Variants in SNX27 observed in about 807,000 individuals in gnomAD.
SNX27 encodes sorting nexin 27.
A neutral mutation model predicts 71.6 loss-of-function variants in SNX27; 22 were observed. That is an observed-to-expected ratio of 0.31 (90% CI 0.22 to 0.44). The LOEUF is 0.44. Among genes scored for constraint, SNX27 ranks in the 20% least tolerant of loss-of-function variants. SNX27 has a pLI of 1.00. For synonymous variants in SNX27, 269 were observed against 277.2 expected, an observed-to-expected ratio of 0.97 and a Z score of 0.29; for missense variants, 531 against 698.6, an observed-to-expected ratio of 0.76 and a Z score of 2.70.
At chr1:151,659,916 C>G (rs1429347755) in intron 3 of SNX27, 3 of 152,194 alleles carry the variant, frequency 2.0e-5, no homozygotes, top group Non-Finnish European at 2.9e-5. Flanking sequence ...TGTAGTCATT[C>G]TGTTTCCTTG....
intron 7 of SNX27, among the ~76,000 whole-genome samples, chr1:151,672,286 T>C (rs563832404): frequency 1.2e-3 from 180 of 152,370 alleles, no homozygotes; most frequent in Non-Finnish European, 2.1e-3. Context: ...TCTGTTGATA[T>C]GCTGTGTCAC....
At position 151,625,950 on chromosome 1, in the gene SNX27, C is replaced by CA. The variant is rs879688727; in HGVS notation, c.312-12928dup. 9.7e-3 allele frequency among the ~76,000 whole-genome samples: 1,393 copies of CA among 143,902 alleles called. 11 individuals carry two copies. The highest frequency in any genetic ancestry group is 0.014 in the Non-Finnish European group (902 of 65,400). The allele number at this position is 143,902 out of a possible 152,430, so 94.4% of individuals were successfully genotyped here. ...GGGCAACAGAGTGAGACTGTGTCAC[C>CA]AAAAAAAAAATAAAATAAAAATAAA... On this transcript the variant is annotated intron_variant, in intron 1 of 11. Transcript: ENST00000458013.
Position 151,650,177 on chromosome 1 carries a change from C to T in SNX27, c.544-8058C>T, listed in dbSNP as rs1000679056. On this transcript the variant is annotated intron_variant, in intron 2 of 11. Coordinates refer to ENST00000458013, the MANE Select transcript of SNX27 (RefSeq NM_001330723.2). Reference sequence around the variant, plus strand: ...TGTTGGGATTACAGGTGTCGGCCACCGCACCTGGCCACCTAATTTTAAAAA... The same window carrying T: ...TGTTGGGATTACAGGTGTCGGCCACTGCACCTGGCCACCTAATTTTAAAAA... Among the ~76,000 whole-genome samples, 4 of 152,180 alleles carry T rather than the reference C, an allele frequency of 2.6e-5. 1 individual carries two copies. The highest frequency in any genetic ancestry group is 3.9e-4 in the East Asian group (2 of 5,180).
chr1:151,697,565 A>G lies in SNX27; in HGVS notation c.*3148A>G. 1 of 152,888 alleles carries G rather than the reference A, an allele frequency of 6.5e-6. No individual in the cohort carries two copies. Among genetic ancestry groups the G allele is most frequent in the Non-Finnish European group, 1.5e-5 (1 of 68,086 alleles). 9.5% of individuals were successfully genotyped at this position (152,888 alleles called of 1,614,324 possible). ...GAGGTGGGGAAGGAGGGCACCCCAA[A>G]GGACAGCGCCTTCTTCTCTTCCACC... On this transcript the variant is annotated 3_prime_UTR_variant, in exon 12 of 12. Transcript: ENST00000458013.
rs140696681 is a variant in SNX27, at chr1:151,649,571, A to G, written c.544-8664A>G. On this transcript the variant is annotated intron_variant, in intron 2 of 11. Coordinates refer to ENST00000458013, the MANE Select transcript of SNX27 (RefSeq NM_001330723.2). The stretch of plus-strand genomic sequence containing the variant: ...CCACTCCAACCTGGGAGACAGAGCT[A>G]AACCCTGTCTCAATTTAAAACAAAA... 1.6e-3 allele frequency among the ~76,000 whole-genome samples: 240 copies of G among 152,348 alleles called. 4 individuals are homozygous for G. The highest frequency in any genetic ancestry group is 5.5e-3 in the African/African-American group (228 of 41,594).
chr1:151,674,494 A>G (rs895282922), intron 7 of SNX27, among the ~76,000 whole-genome samples: 1 of 152,050 alleles, frequency 6.6e-6, no homozygotes, highest in Non-Finnish European at 1.5e-5. Flanking sequence ...ATCTTTTTCC[A>G]TGTTTTCAAA....
chr1:151,615,940 T>G (rs749695247), intron 1 of SNX27: 3 of 447,868 alleles, frequency 6.7e-6, no homozygotes, highest in Non-Finnish European at 8.9e-6. Flanking sequence ...GAAACTAAAT[T>G]GGAGCCCATA....
At chr1:151,623,338 C>A (rs566234336) in intron 1 of SNX27, among the ~76,000 whole-genome samples, 1 of 152,260 alleles carries the variant, frequency 6.6e-6, no homozygotes, top group African/African-American at 2.4e-5. Context: ...GACGGGGTTT[C>A]ACCTTGTTAG....
chr1:151,667,152 G>A (rs1670224286), intron 6 of SNX27: 1 of 148,230 alleles, frequency 6.7e-6, no homozygotes, highest in African/African-American at 2.5e-5. Context: ...AGGAGGCTGA[G>A]GTAGGAGGAT....
Position 151,658,699 on chromosome 1 carries a change from T to G in SNX27, c.736+272T>G, listed in dbSNP as rs527426754. Among the ~76,000 whole-genome samples, 49 of 152,340 alleles carry G rather than the reference T, an allele frequency of 3.2e-4. 2 individuals are homozygous for G. In the South Asian group the frequency reaches 9.7e-3, roughly 30 times the overall value. On this transcript the variant is annotated intron_variant, in intron 3 of 11. Transcript: ENST00000458013. ...TTTGGTGATGCCTAATGGACTTTTTTTTTTAGACGGAGTCTCGCTCTGTCG... is the reference window on the plus strand; with the variant it reads ...TTTGGTGATGCCTAATGGACTTTTTGTTTTAGACGGAGTCTCGCTCTGTCG...
intron 2 of SNX27, among the ~76,000 whole-genome samples, chr1:151,649,473 C>G (rs767761245): frequency 6.6e-6 from 1 of 151,862 alleles, no homozygotes; most frequent in Non-Finnish European, 1.5e-5. Context: ...GTCCCACTTA[C>G]TTGGGAGGCT....
chr1:151,641,593 T>G (rs1416086378), intron 2 of SNX27, among the ~76,000 whole-genome samples: 4 of 29,510 alleles, frequency 1.4e-4, no homozygotes, highest in Non-Finnish European at 2.7e-4. Context: ...ACAAGTCCTT[T>G]ATCAGATATA....
At chr1:151,644,960 T>C (rs2102646687) in intron 2 of SNX27, among the ~76,000 whole-genome samples, 1 of 152,116 alleles carries the variant, frequency 6.6e-6, no homozygotes, top group East Asian at 1.9e-4. Flanking sequence ...CTACCACACC[T>C]GGCTAATTTT....
intron 6 of SNX27, among the ~76,000 whole-genome samples, chr1:151,667,547 C>T (rs997696483): frequency 2.9e-4 from 44 of 151,856 alleles, no homozygotes; most frequent in Non-Finnish European, 4.7e-4. Context: ...TTTAGTGGGC[C>T]GGGCGCGGTG....
Position 151,630,889 on chromosome 1 carries a change from G to T in SNX27, c.312-7999G>T, listed in dbSNP as rs1411139780. Among the ~76,000 whole-genome samples, 9 of 152,194 alleles carry T rather than the reference G, an allele frequency of 5.9e-5. 1 individual carries two copies. The highest frequency in any genetic ancestry group is 2.2e-4 in the African/African-American group (9 of 41,446). ...TCTACTAAAAATACAAAAATTAGCTGGGTGTGGTGGCGGGCGCCTGTAGTT... is the reference window on the plus strand; with the variant it reads ...TCTACTAAAAATACAAAAATTAGCTTGGTGTGGTGGCGGGCGCCTGTAGTT... On this transcript the variant is annotated intron_variant, in intron 1 of 11. Coordinates refer to ENST00000458013, the MANE Select transcript of SNX27 (RefSeq NM_001330723.2).
At chr1:151,644,937 T>C (rs1410019258) in intron 2 of SNX27, among the ~76,000 whole-genome samples, 1 of 152,034 alleles carries the variant, frequency 6.6e-6, no homozygotes, top group Non-Finnish European at 1.5e-5. Context: ...GTAGCTGGGA[T>C]TACAGGCATG....
At chr1:151,673,910 T>G (rs892657219) in intron 7 of SNX27, among the ~76,000 whole-genome samples, 2 of 152,198 alleles carry the variant, frequency 1.3e-5, no homozygotes, top group African/African-American at 4.8e-5. Context: ...TCCGTTTATT[T>G]TCCATCTGTG....
In SNX27 at chr1:151,628,298, C is replaced by T. The variant is rs910660720; in HGVS notation, c.312-10590C>T. ...CTGGGATTGCAGGCATGAGCCACTG[C>T]GTCCGACCTTTTCTTGGCTTAATAG... On this transcript the variant is annotated intron_variant, in intron 1 of 11. Coordinates refer to ENST00000458013, the MANE Select transcript of SNX27 (RefSeq NM_001330723.2). Among the ~76,000 whole-genome samples the T allele has an allele frequency of 3.3e-5, 5 of 152,138 alleles. 1 individual carries two copies. In the East Asian group the frequency reaches 7.7e-4, roughly 23 times the overall value.
intron 8 of SNX27, among the ~76,000 whole-genome samples, chr1:151,687,084 G>C (rs1457050204): frequency 6.6e-6 from 1 of 152,142 alleles, no homozygotes; most frequent in African/African-American, 2.4e-5. Context: ...GGATGGTTGA[G>C]AATATAATAT....
Sources: allele counts gnomAD v4.1 joint callset (sites outside exome capture counted in the v4.1 genomes callset), GRCh38; gene constraint gnomAD v4.1.1; transcripts MANE v1.5; gene names NCBI Gene and HGNC (gene_info 2026-07-23, HGNC 2026-07-21).